MOXD1: variants seen among roughly 807,000 people sequenced by gnomAD.
MOXD1 encodes monooxygenase DBH like 1, also known as DBH-like monooxygenase protein 1.
In MOXD1, 62 loss-of-function variants were observed where a neutral mutation model predicts 66.6. The observed-to-expected ratio is 0.93, with a 90% CI of 0.76 to 1.15. The LOEUF (loss-of-function observed/expected upper bound fraction) is 1.15. Ranked by LOEUF, MOXD1 falls within the 50% of genes most tolerant of loss-of-function variation. MOXD1 has a pLI of 0.00. For missense variants in MOXD1, 847 were observed against 754.6 expected (o/e 1.12, Z -1.44); for synonymous variants, 303 against 281.9 (o/e 1.07, Z -0.75).
At chr6:132,391,790 C>T (rs1245321356) in intron 1 of MOXD1, 2 of 156,106 alleles carry the variant, frequency 1.3e-5, no homozygotes, top group Non-Finnish European at 2.8e-5. Context: ...CCTTGAACTT[C>T]GTTTGTCAAT....
At chr6:132,310,266 G>A (rs535702618) in intron 10 of MOXD1, among the ~76,000 whole-genome samples, 1 of 152,088 alleles carries the variant, frequency 6.6e-6, no homozygotes, top group African/African-American at 2.4e-5. Flanking sequence ...ACTGATCATC[G>A]GAGAAATGCA....
chr6:132,344,975 A>T (rs898352452), intron 4 of MOXD1, among the ~76,000 whole-genome samples: 1 of 152,192 alleles, frequency 6.6e-6, no homozygotes, highest in African/African-American at 2.4e-5. Flanking sequence ...CAGCAGGTGC[A>T]AAAGGAGCTA....
At chr6:132,361,277 G>T (rs1342382483) in intron 4 of MOXD1, among the ~76,000 whole-genome samples, 5 of 150,500 alleles carry the variant, frequency 3.3e-5, no homozygotes, top group African/African-American at 9.8e-5. Context: ...CTCAGCTGTG[G>T]TTACAGGAAA....
intron 6 of MOXD1, chr6:132,325,270 G>A (rs889670370): frequency 3.3e-5 from 5 of 152,180 alleles, no homozygotes; most frequent in Admixed American, 2.0e-4. Flanking sequence ...GACCAACCTG[G>A]ATGCAAATCC....
At chr6:132,363,390 T>C (rs1038679664) in intron 4 of MOXD1, among the ~76,000 whole-genome samples, 1 of 152,084 alleles carries the variant, frequency 6.6e-6, no homozygotes, top group Non-Finnish European at 1.5e-5. Context: ...AACAAAGCTG[T>C]CAAAAAATAA....
At chr6:132,401,052 G>T (rs1777013072) in intron 1 of MOXD1, 111 bp downstream of exon 1, 4 of 1,289,626 alleles carry the variant, frequency 3.1e-6, no homozygotes, top group Non-Finnish European at 1.0e-6. Flanking sequence ...GCGGGGCTGC[G>T]CCAGGTGAGA....
intron 1 of MOXD1, among the ~76,000 whole-genome samples, chr6:132,397,684 A>AAGAAAGAAAG (rs1554239248): frequency 2.3e-4 from 31 of 134,686 alleles, no homozygotes; most frequent in African/African-American, 8.0e-4. Flanking sequence ...GAAAGAAAGA[A>AAGAAAGAAAG]AGAAAGAAAG....
chr6:132,320,638 C>T lies in MOXD1; in HGVS notation c.1356G>A (p.Glu452=). The change falls in exon 9 of 12, where the codon GAG becomes GAA. Residue 452 remains glutamate, a synonymous_variant. Coordinates refer to ENST00000367963, the MANE Select transcript of MOXD1 (RefSeq NM_015529.4). The part of the protein sequence containing the change: ...ECRYNTKDRA[E]MTWGGLSTRS... ...ATAAAAGTTTTCTTACCCAAGTCATCTCAGCTCTATCTTTCGTGTTGTAGC... is the reference window on the plus strand; with the variant it reads ...ATAAAAGTTTTCTTACCCAAGTCATTTCAGCTCTATCTTTCGTGTTGTAGC... 6.2e-7 allele frequency: 1 copy of T among 1,609,688 alleles called. No homozygotes were observed. Among genetic ancestry groups the T allele is most frequent in the African/African-American group, 1.3e-5 (1 of 74,918 alleles).
chr6:132,367,329 A>G (rs1248686683), intron 4 of MOXD1, among the ~76,000 whole-genome samples: 1 of 152,118 alleles, frequency 6.6e-6, no homozygotes, highest in African/African-American at 2.4e-5. Flanking sequence ...GAATTTACTT[A>G]CCTTGTTTAA....
At chr6:132,315,841 A>G in intron 9 of MOXD1, 64 bp from the exon 10 acceptor site, 1 of 1,508,270 alleles carries the variant, frequency 6.6e-7, no homozygotes, top group South Asian at 1.2e-5. Flanking sequence ...TAAAGCACAC[A>G]AGTCATTAAT....
At chr6:132,352,506 T>C (rs558957446) in intron 4 of MOXD1, among the ~76,000 whole-genome samples, 1 of 152,352 alleles carries the variant, frequency 6.6e-6, no homozygotes, top group South Asian at 2.1e-4. Flanking sequence ...GTGCTTGATA[T>C]AATTTCAATT....
Position 132,312,391 on chromosome 6 carries a change from C to T in MOXD1, c.1508+3244G>A, listed in dbSNP as rs141811780. Among the ~76,000 whole-genome samples the T allele has an allele frequency of 3.0e-3, 449 of 152,110 alleles. 1 individual carries two copies. Among genetic ancestry groups the T allele is most frequent in the African/African-American group, 0.01 (434 of 41,532 alleles). ...ATTGGTAATATTCTTCTAAGCAAAA[C>T]AGAAAAAAAGCACCTAAGCCATTTT... On this transcript the variant is annotated intron_variant, in intron 10 of 11. Transcript: ENST00000367963.
chr6:132,391,582 G>GT (rs1009571824), intron 1 of MOXD1: 20 of 152,084 alleles, frequency 1.3e-4, no homozygotes, highest in Non-Finnish European at 2.6e-4. Context: ...TCCATACGCA[G>GT]TTTTTTTGTA....
intron 1 of MOXD1, among the ~76,000 whole-genome samples, chr6:132,385,610 A>G (rs995094763): frequency 1.6e-4 from 24 of 151,526 alleles, no homozygotes; most frequent in African/African-American, 5.6e-4. Context: ...CAGCCTCCCA[A>G]GTAACTGGGA....
intron 7 of MOXD1, among the ~76,000 whole-genome samples, chr6:132,323,146 G>A (rs1243319929): frequency 3.9e-5 from 6 of 152,092 alleles, no homozygotes; most frequent in Admixed American, 3.9e-4. Context: ...GAGGATAAGA[G>A]GCAATAAACA....
chr6:132,297,422 G>T (rs1456474839), intron 11 of MOXD1, 105 bp from the exon 12 acceptor site: 2 of 1,213,060 alleles, frequency 1.6e-6, no homozygotes, highest in Non-Finnish European at 2.3e-6. Context: ...AAGGGGGCAG[G>T]AGTGGTTACC....
At chr6:132,359,003 T>G (rs1159830537) in intron 4 of MOXD1, among the ~76,000 whole-genome samples, 1 of 152,192 alleles carries the variant, frequency 6.6e-6, no homozygotes, top group African/African-American at 2.4e-5. Flanking sequence ...ACATTAGCGA[T>G]GGAAATGGAC....
intron 4 of MOXD1, among the ~76,000 whole-genome samples, chr6:132,354,088 T>G (rs1775861653): frequency 6.6e-6 from 1 of 152,198 alleles, no homozygotes; most frequent in Non-Finnish European, 1.5e-5. Flanking sequence ...TTTTTGGATT[T>G]TCTTGCCTTT....
At chr6:132,309,869 T>C (rs547159474) in intron 10 of MOXD1, among the ~76,000 whole-genome samples, 2 of 152,330 alleles carry the variant, frequency 1.3e-5, no homozygotes, top group South Asian at 4.1e-4. Context: ...GATTAAAGAC[T>C]TAAGTGTAAA....
Sources: gnomAD v4.1 joint callset for allele counts (sites outside exome capture counted in the v4.1 genomes callset) on GRCh38, gnomAD v4.1.1 for gene constraint, MANE v1.5 for transcripts, NCBI Gene and HGNC (gene_info 2026-07-23, HGNC 2026-07-21) for gene names.